The following MMADHC variants were observed in gnomAD, a reference collection of about 807,000 sequenced individuals.
The protein encoded by MMADHC is metabolism of cobalamin associated D.
Under a neutral mutation model 36.3 loss-of-function variants are expected in MMADHC, and 23 were observed. That is an observed-to-expected ratio of 0.63 (90% CI 0.46 to 0.90). The LOEUF is 0.90. MMADHC is among the 40% of genes least tolerant of loss of function. The pLI is 0.00. For missense variants in MMADHC, 330 were observed against 348.0 expected (o/e 0.95, Z 0.41); for synonymous variants, 97 against 116.1 (o/e 0.84, Z 1.06).
At chr2:149,584,577 G>A (rs2105051506) in intron 2 of MMADHC, among the ~76,000 whole-genome samples, 1 of 152,238 alleles carries the variant, frequency 6.6e-6, no homozygotes, top group East Asian at 1.9e-4. Context: ...TTTTCTTGGT[G>A]ATAGAACTTT....
intron 4 of MMADHC, among the ~76,000 whole-genome samples, chr2:149,578,071 G>A (rs1026648537): frequency 2.6e-5 from 4 of 152,050 alleles, no homozygotes; most frequent in African/African-American, 9.7e-5. Flanking sequence ...AGCTTAGAAA[G>A]GTTAAGTAAT....
At position 149,576,430 on chromosome 2, in the gene MMADHC, G is replaced by A. The variant is rs2105046042; in HGVS notation, c.478+7C>T. The A allele has an allele frequency of 6.4e-7, 1 of 1,570,288 alleles. No homozygotes were observed. Among genetic ancestry groups the A allele is most frequent in the South Asian group, 1.1e-5 (1 of 90,174 alleles). On this transcript the variant is annotated splice_region_variant and intron_variant, in intron 5 of 7. Coordinates refer to ENST00000303319, the MANE Select transcript of MMADHC (RefSeq NM_015702.3). ...AACAGTGTTTCAAAGTATAAAGCATGACATACCTTTTCGCAGCAATTCTGG... is the reference window on the plus strand; with the variant it reads ...AACAGTGTTTCAAAGTATAAAGCATAACATACCTTTTCGCAGCAATTCTGG...
intron 2 of MMADHC, 47 bp from the exon 3 acceptor site, chr2:149,582,318 T>C (rs1328222752): frequency 2.5e-6 from 4 of 1,585,886 alleles, no homozygotes; most frequent in Non-Finnish European, 2.6e-6. Context: ...ATATAAATGT[T>C]ATACTTACAT....
intron 7 of MMADHC, 94 bp downstream of exon 7, chr2:149,570,991 A>G (rs1682630075): frequency 2.8e-6 from 3 of 1,073,720 alleles, no homozygotes; most frequent in East Asian, 2.6e-5. Flanking sequence ...AGATTTTTAA[A>G]AAGTCTTAAT....
intron 3 of MMADHC, among the ~76,000 whole-genome samples, chr2:149,581,810 T>C (rs1424269930): frequency 1.3e-5 from 2 of 152,204 alleles, no homozygotes; most frequent in East Asian, 3.8e-4. Context: ...GGTACATTTA[T>C]GAAATCTAGC....
At chr2:149,577,257 G>A (rs1477595647) in intron 4 of MMADHC, among the ~76,000 whole-genome samples, 3 of 152,188 alleles carry the variant, frequency 2.0e-5, no homozygotes, top group South Asian at 4.1e-4. Flanking sequence ...GTTAGTTGAT[G>A]TGTTATGTCT....
chr2:149,585,216 T>C (rs1448984852), intron 2 of MMADHC, among the ~76,000 whole-genome samples: 1 of 152,222 alleles, frequency 6.6e-6, no homozygotes, highest in Non-Finnish European at 1.5e-5. Flanking sequence ...GAGTTCATTC[T>C]AGTTTGAGGA....
At chr2:149,585,538 T>G (rs1682854512) in intron 2 of MMADHC, among the ~76,000 whole-genome samples, 1 of 152,226 alleles carries the variant, frequency 6.6e-6, no homozygotes, top group Non-Finnish European at 1.5e-5. Flanking sequence ...GTCCAGAAAT[T>G]TGGCTCTTCT....
chr2:149,587,032 T>C (rs568196753), intron 2 of MMADHC, 57 bp downstream of exon 2: 15 of 1,557,994 alleles, frequency 9.6e-6, no homozygotes, highest in Middle Eastern at 1.7e-4. Flanking sequence ...CGTTCTTTCA[T>C]TCCTAACATT....
At chr2:149,585,799 C>T (rs891993766) in intron 2 of MMADHC, among the ~76,000 whole-genome samples, 1 of 152,182 alleles carries the variant, frequency 6.6e-6, no homozygotes, top group African/African-American at 2.4e-5. Context: ...TAAATTAACA[C>T]AAAAATTGTT....
At position 149,575,745 on chromosome 2, in the gene MMADHC, T is replaced by A; in HGVS notation, c.575A>T (p.Glu192Val). ...TKNDMTVWSE[E>V]VEIEREVLLE... Reference sequence around the variant, plus strand: ...GAGCACTTCTCTTTCAATTTCTACTTCTTCACTCCAAACAGTCATATCATT... The same window carrying A: ...GAGCACTTCTCTTTCAATTTCTACTACTTCACTCCAAACAGTCATATCATT... Residue 192 changes from glutamate (E) to valine (V), a missense_variant, in exon 6 of 8, where the codon GAA becomes GTA. By Grantham distance (121) the Glu-to-Val change is moderately radical. Coordinates refer to ENST00000303319, the MANE Select transcript of MMADHC (RefSeq NM_015702.3). The A allele has an allele frequency of 1.2e-6, 2 of 1,605,258 alleles. No individual in the cohort carries two copies. Among genetic ancestry groups the A allele is most frequent in the Non-Finnish European group, 1.7e-6 (2 of 1,175,754 alleles).
chr2:149,586,993 A>G, intron 2 of MMADHC, 96 bp downstream of exon 2: 1 of 1,238,506 alleles, frequency 8.1e-7, no homozygotes, highest in Non-Finnish European at 1.2e-6. Flanking sequence ...ATCTAACACT[A>G]TACCACCCAA....
rs572226586 is a variant in MMADHC at position 149,587,156 on chromosome 2, A to G, written c.-52-7T>C. 5.2e-6 allele frequency: 8 copies of G among 1,547,792 alleles called. No homozygotes were observed. The highest frequency in any genetic ancestry group is 1.1e-5 in the South Asian group (1 of 89,654). ...TCCTTTGGTAAAGTTATTTCTGGGA[A>G]AGAACACAACAAAACAGACGAGTGA... On this transcript the variant is annotated splice_region_variant and splice_polypyrimidine_tract_variant and intron_variant, in intron 1 of 7. Coordinates refer to ENST00000303319, the MANE Select transcript of MMADHC (RefSeq NM_015702.3).
chr2:149,573,440 A>G (rs1250179459), intron 6 of MMADHC, among the ~76,000 whole-genome samples: 1 of 152,094 alleles, frequency 6.6e-6, no homozygotes, highest in African/African-American at 2.4e-5. Context: ...TATAAAGCCA[A>G]CCTCCTCTGC....
At chr2:149,586,781 A>T (rs1682876140) in intron 2 of MMADHC, 1 of 371,450 alleles carries the variant, frequency 2.7e-6, no homozygotes, top group Non-Finnish European at 4.8e-6. Flanking sequence ...CTAACCCAAA[A>T]GCTAAAAAAG....
intron 4 of MMADHC, 117 bp downstream of exon 4, chr2:149,579,314 C>G: frequency 1.1e-6 from 1 of 945,590 alleles, no homozygotes; most frequent in Non-Finnish European, 1.6e-6. Flanking sequence ...TTTGTATATA[C>G]ATGTACTGGA....
intron 5 of MMADHC, 34 bp from the exon 6 acceptor site, chr2:149,575,875 G>T (rs1466976629): frequency 2.0e-6 from 3 of 1,520,958 alleles, no homozygotes; most frequent in Non-Finnish European, 2.7e-6. Context: ...AGGTAGAAAA[G>T]AATTTGATTT....
intron 6 of MMADHC, 78 bp from the exon 7 acceptor site, chr2:149,571,249 G>T (rs1296494639): frequency 3.3e-6 from 3 of 910,914 alleles, no homozygotes; most frequent in Non-Finnish European, 4.9e-6. Context: ...AATTTTAAGT[G>T]ACTATCTTGT....
At chr2:149,570,247 A>G in intron 7 of MMADHC, 79 bp from the exon 8 acceptor site, 1 of 1,146,448 alleles carries the variant, frequency 8.7e-7, no homozygotes, top group East Asian at 2.6e-5. Flanking sequence ...ATGAACACCT[A>G]TCTACTTTAA....
Sources: gnomAD v4.1 joint callset for allele counts (sites outside exome capture counted in the v4.1 genomes callset) on GRCh38, gnomAD v4.1.1 for gene constraint, MANE v1.5 for transcripts, NCBI Gene and HGNC (gene_info 2026-07-23, HGNC 2026-07-21) for gene names.